The following NVL variants were observed in gnomAD, a reference collection of about 807,000 sequenced individuals.
NVL encodes the protein nuclear valosin-containing protein-like.
In NVL, 84 loss-of-function variants were observed where a neutral mutation model predicts 110.2. That is an observed-to-expected ratio of 0.76 (90% CI 0.64 to 0.91). The LOEUF (loss-of-function observed/expected upper bound fraction) is 0.91. Among genes scored for constraint, NVL ranks in the 40% least tolerant of loss-of-function variants. NVL has a pLI of 0.00. For synonymous variants in NVL, 354 were observed against 361.1 expected (o/e 0.98, Z 0.22); for missense variants, 882 against 1,035.9 (o/e 0.85, Z 2.04).
At position 224,303,677 on chromosome 1, in the gene NVL, A is replaced by C. The variant is rs763441182; in HGVS notation, c.960+46T>G. 6 of 1,582,418 alleles carry C rather than the reference A, an allele frequency of 3.8e-6. No homozygotes were observed. In the African/African-American group the frequency reaches 6.8e-5, roughly 18 times the overall value. On this transcript the variant is annotated intron_variant, in intron 9 of 22. Coordinates refer to ENST00000281701, the MANE Select transcript of NVL (RefSeq NM_002533.4). Reference sequence around the variant, plus strand: ...CAAAGAGAAAAAACAAAAACAAATAATAACAACAAAAACAGCAAAAGCAAA... The same window carrying C: ...CAAAGAGAAAAAACAAAAACAAATACTAACAACAAAAACAGCAAAAGCAAA...
chr1:224,304,220 A>C (rs974749585), intron 8 of NVL, among the ~76,000 whole-genome samples: 10 of 152,058 alleles, frequency 6.6e-5, no homozygotes, highest in South Asian at 2.1e-4. Flanking sequence ...AAGTCAGGAG[A>C]TCAAGACCAT....
At chr1:224,310,406 T>C (rs1669399711) in intron 5 of NVL, among the ~76,000 whole-genome samples, 1 of 152,100 alleles carries the variant, frequency 6.6e-6, no homozygotes, top group Non-Finnish European at 1.5e-5. Flanking sequence ...GACTATATTA[T>C]CTCCATATTC....
In NVL at chr1:224,231,288, T is replaced by C. The variant is rs748433468; in HGVS notation, c.2464A>G (p.Lys822Glu). The C allele has an allele frequency of 2.5e-6, 4 of 1,611,676 alleles. No individual in the cohort carries two copies. The Admixed American group carries it at 5.0e-5, about 20-fold the overall frequency. The change falls in exon 22 of 23, where the codon AAG becomes GAG. Residue 822 changes from lysine to glutamate, a missense_variant. Coordinates refer to ENST00000281701, the MANE Select transcript of NVL (RefSeq NM_002533.4). ...TCTTCAAAATGCTTATGACTAACCT[T>C]GAGTTCACCTATGGAGTAAATGCAC... is the stretch of plus-strand genomic sequence containing the variant. ...QKSGNEKGELKVSHKHFEEAF... is the reference protein window; with the variant it reads ...QKSGNEKGELEVSHKHFEEAF...
intron 18 of NVL, among the ~76,000 whole-genome samples, chr1:224,267,274 C>G (rs895738544): frequency 5.9e-5 from 9 of 152,162 alleles, no homozygotes; most frequent in Non-Finnish European, 1.3e-4. Flanking sequence ...GGGCATGGCT[C>G]CAGCATAAAA....
At chr1:224,291,070 T>C (rs960845744) in intron 12 of NVL, among the ~76,000 whole-genome samples, 1 of 152,216 alleles carries the variant, frequency 6.6e-6, no homozygotes, top group Non-Finnish European at 1.5e-5. Context: ...GCCAGTTACT[T>C]AATCTTTGTG....
chr1:224,275,779 A>T (rs1412970265), intron 16 of NVL, among the ~76,000 whole-genome samples: 1 of 152,242 alleles, frequency 6.6e-6, no homozygotes. Context: ...CTTTAGAACT[A>T]ATCTTGTAAG....
At chr1:224,243,098 TA>T (rs1247812639) in intron 19 of NVL, among the ~76,000 whole-genome samples, 1 of 152,016 alleles carries the variant, frequency 6.6e-6, no homozygotes, top group Non-Finnish European at 1.5e-5. Flanking sequence ...TTTATTTATT[TA>T]TTTATTTTTT....
intron 17 of NVL, among the ~76,000 whole-genome samples, chr1:224,273,046 A>C (rs12751861): frequency 0.014 from 1,984 of 138,778 alleles, 82 homozygotes; most frequent in African/African-American, 0.05. Context: ...AAAAAAACAA[A>C]AAAAACAAAC....
At chr1:224,269,544 G>A (rs1345130915) in intron 17 of NVL, among the ~76,000 whole-genome samples, 1 of 152,124 alleles carries the variant, frequency 6.6e-6, no homozygotes, top group African/African-American at 2.4e-5. Context: ...AGCTACCTCA[G>A]CAATATCTAA....
chr1:224,258,979 TAA>T (rs34767555), intron 18 of NVL, among the ~76,000 whole-genome samples: 620 of 60,204 alleles, frequency 0.01, 11 homozygotes, highest in African/African-American at 0.028. Context: ...GTCTCTACAT[TAA>T]AAAAAAAAAA....
chr1:224,265,885 A>C (rs1357524666), intron 18 of NVL, among the ~76,000 whole-genome samples: 1 of 152,166 alleles, frequency 6.6e-6, no homozygotes, highest in African/African-American at 2.4e-5. Context: ...CTCCTGTCTC[A>C]ACCTCGTAAA....
intron 14 of NVL, among the ~76,000 whole-genome samples, 153 bp from the exon 15 acceptor site, chr1:224,286,283 G>C (rs1464877801): frequency 6.7e-6 from 1 of 149,784 alleles, no homozygotes; most frequent in Non-Finnish European, 1.5e-5. Context: ...TTGGCTCACT[G>C]CAACTTCTGC....
intron 18 of NVL, among the ~76,000 whole-genome samples, chr1:224,253,660 G>A (rs1222249193): frequency 6.7e-6 from 1 of 149,562 alleles, no homozygotes; most frequent in Non-Finnish European, 1.5e-5. Context: ...TTGAACTCAG[G>A]AGGCGGAGGT....
intron 18 of NVL, among the ~76,000 whole-genome samples, chr1:224,266,645 C>A (rs1160494187): frequency 6.6e-6 from 1 of 152,198 alleles, no homozygotes; most frequent in Non-Finnish European, 1.5e-5. Flanking sequence ...CTAAGACAAG[C>A]ATCTTCTTGA....
At chr1:224,263,534 C>A (rs542569962) in intron 18 of NVL, among the ~76,000 whole-genome samples, 1 of 152,262 alleles carries the variant, frequency 6.6e-6, no homozygotes, top group East Asian at 1.9e-4. Flanking sequence ...TCAGAAGTGG[C>A]AAAACATTTT....
At chr1:224,301,292 A>G (rs554054195) in intron 9 of NVL, among the ~76,000 whole-genome samples, 28 of 152,074 alleles carry the variant, frequency 1.8e-4, no homozygotes, top group African/African-American at 6.7e-4. Context: ...TTTTGGAGAG[A>G]CTGTGTCTCA....
intron 15 of NVL, 144 bp from the exon 16 acceptor site, chr1:224,281,329 C>A (rs1666303452): frequency 3.0e-6 from 2 of 667,512 alleles, no homozygotes; most frequent in South Asian, 1.8e-5. Flanking sequence ...TAGATGGAGT[C>A]TTGCTCTGTC....
chr1:224,303,883 T>C (rs776597789), intron 8 of NVL, 26 bp from the exon 9 acceptor site: 1 of 1,590,270 alleles, frequency 6.3e-7, no homozygotes, highest in Admixed American at 1.8e-5. Flanking sequence ...CACAAAGATG[T>C]CTTTCAAGAC....
At chr1:224,274,239 C>T (rs1437509676) in intron 17 of NVL, among the ~76,000 whole-genome samples, 7 of 149,760 alleles carry the variant, frequency 4.7e-5, no homozygotes, top group African/African-American at 1.7e-4. Flanking sequence ...TGCAGTGAGC[C>T]GAGATCACAC....
Sources: allele counts gnomAD v4.1 joint callset (sites outside exome capture counted in the v4.1 genomes callset), GRCh38; gene constraint gnomAD v4.1.1; transcripts MANE v1.5; gene names NCBI Gene and HGNC (gene_info 2026-07-23, HGNC 2026-07-21).